SORCS1: variants seen among roughly 807,000 people sequenced by gnomAD.
SORCS1 encodes the protein VPS10 domain-containing receptor SorCS1.
Under a neutral mutation model 146.1 loss-of-function variants are expected in SORCS1, and 60 were observed. The ratio of observed to expected loss-of-function variants is 0.41; its 90% CI spans 0.33 to 0.51. SORCS1 has a LOEUF of 0.51. Ranked by LOEUF, SORCS1 falls within the 20% of genes least tolerant of loss-of-function variation. The pLI is 0.21. For synonymous variants in SORCS1, 637 were observed against 584.0 expected, an observed-to-expected ratio of 1.09 and a Z score of -1.31; for missense variants, 1,352 against 1,487.6, an observed-to-expected ratio of 0.91 and a Z score of 1.50.
rs534461964 is a variant in SORCS1, at chr10:107,077,027, C to T, written c.558+86942G>A. On this transcript the variant is annotated intron_variant, in intron 1 of 25. Coordinates refer to ENST00000263054, the MANE Select transcript of SORCS1 (RefSeq NM_052918.5). The stretch of plus-strand genomic sequence containing the variant: ...GCAGCTTGATTATTTGCATGTGTTA[C>T]TTCTAATGACTCTACCTCGGAGGGA... Among the ~76,000 whole-genome samples, 19 of 152,296 alleles carry T rather than the reference C, an allele frequency of 1.2e-4. 1 individual carries two copies. In the South Asian group the frequency reaches 3.9e-3, roughly 32 times the overall value.
intron 2 of SORCS1, among the ~76,000 whole-genome samples, chr10:106,877,959 A>G (rs2137669889): frequency 6.6e-6 from 1 of 152,284 alleles, no homozygotes; most frequent in East Asian, 1.9e-4. Flanking sequence ...GTCTGACTCC[A>G]AAGTCCTTAG....
intron 1 of SORCS1, among the ~76,000 whole-genome samples, chr10:106,956,790 C>T (rs918875671): frequency 1.3e-5 from 2 of 152,248 alleles, no homozygotes; most frequent in African/African-American, 4.8e-5. Context: ...CCCCAGCTTT[C>T]TCCCTGTCAC....
Position 106,849,414 on chromosome 10 carries a change from T to C in SORCS1, c.627-19741A>G, listed in dbSNP as rs1241101926. On this transcript the variant is annotated intron_variant, in intron 2 of 25. Transcript: ENST00000263054. ...GCTTCTGCATTCTTCAGGTAGTTCT[T>C]GAGCCTTGGTTTTCAGCTCCATCAG... 1.0e-4 allele frequency among the ~76,000 whole-genome samples: 15 copies of C among 147,614 alleles called. 1 individual carries two copies. Among genetic ancestry groups the C allele is most frequent in the South Asian group, 2.3e-4 (1 of 4,434 alleles).
intron 1 of SORCS1, among the ~76,000 whole-genome samples, chr10:107,159,861 T>C (rs1364917364): frequency 6.6e-6 from 1 of 151,916 alleles, no homozygotes; most frequent in East Asian, 1.9e-4. Context: ...AAAAACTGTA[T>C]CAAAATGTAT....
intron 2 of SORCS1, among the ~76,000 whole-genome samples, chr10:106,896,586 C>A (rs1589655908): frequency 6.6e-6 from 1 of 151,602 alleles, no homozygotes. Flanking sequence ...ATATATGTAA[C>A]ACTAGTGAAT....
chr10:107,010,707 C>T (rs970227681), intron 1 of SORCS1, among the ~76,000 whole-genome samples: 2 of 152,168 alleles, frequency 1.3e-5, no homozygotes. Flanking sequence ...TTTTGAGAGG[C>T]CTCAGATCTC....
intron 1 of SORCS1, among the ~76,000 whole-genome samples, chr10:107,085,571 T>C (rs550761932): frequency 1.3e-5 from 2 of 152,168 alleles, no homozygotes; most frequent in Admixed American, 6.5e-5. Flanking sequence ...ATAAGGGAGA[T>C]AGATGTCACT....
intron 18 of SORCS1, among the ~76,000 whole-genome samples, chr10:106,644,859 G>A (rs184634948): frequency 6.6e-6 from 1 of 152,180 alleles, no homozygotes; most frequent in East Asian, 1.9e-4. Flanking sequence ...TGTAGTTTAT[G>A]TATTCTACTA....
intron 2 of SORCS1, among the ~76,000 whole-genome samples, chr10:106,945,281 C>A (rs1454475045): frequency 6.6e-6 from 1 of 151,908 alleles, no homozygotes; most frequent in Admixed American, 6.6e-5. Context: ...TCTGGTCATG[C>A]TGAAAGAATA....
At chr10:106,834,080 A>G (rs1031049197) in intron 2 of SORCS1, among the ~76,000 whole-genome samples, 3 of 152,170 alleles carry the variant, frequency 2.0e-5, no homozygotes, top group African/African-American at 7.2e-5. Context: ...GGCATGAGCC[A>G]CCACGCCCGG....
At chr10:106,891,066 C>G (rs1437676822) in intron 2 of SORCS1, among the ~76,000 whole-genome samples, 1 of 152,124 alleles carries the variant, frequency 6.6e-6, no homozygotes, top group East Asian at 1.9e-4. Flanking sequence ...GAATTTATCC[C>G]CTACTTGAGT....
intron 1 of SORCS1, among the ~76,000 whole-genome samples, chr10:107,132,060 G>T (rs1292366131): frequency 6.6e-6 from 1 of 152,144 alleles, no homozygotes; most frequent in African/African-American, 2.4e-5. Flanking sequence ...ACTCAACTAA[G>T]TAAGAACTTA....
chr10:106,636,976 A>G (rs1049608111), intron 18 of SORCS1, among the ~76,000 whole-genome samples: 3 of 152,226 alleles, frequency 2.0e-5, no homozygotes, highest in Non-Finnish European at 4.4e-5. Flanking sequence ...AACCCTTTAG[A>G]GGAATGCCAA....
intron 6 of SORCS1, among the ~76,000 whole-genome samples, chr10:106,719,777 G>C (rs550160955): frequency 3.3e-5 from 5 of 152,232 alleles, no homozygotes; most frequent in African/African-American, 1.2e-4. Context: ...AAACATAAGA[G>C]ATGCTCAACA....
chr10:106,830,756 C>A (rs1174592639), intron 2 of SORCS1, among the ~76,000 whole-genome samples: 1 of 151,860 alleles, frequency 6.6e-6, no homozygotes, highest in African/African-American at 2.4e-5. Flanking sequence ...ATTAGCCTGG[C>A]CTGATGGCAC....
At chr10:107,013,300 T>C (rs1054197567) in intron 1 of SORCS1, among the ~76,000 whole-genome samples, 20 of 152,064 alleles carry the variant, frequency 1.3e-4, no homozygotes, top group Non-Finnish European at 2.2e-4. Flanking sequence ...CAGGTTTCAC[T>C]GAAATTCAGC....
chr10:107,058,047 T>A (rs1008641692), intron 1 of SORCS1, among the ~76,000 whole-genome samples: 1 of 152,118 alleles, frequency 6.6e-6, no homozygotes, highest in Non-Finnish European at 1.5e-5. Flanking sequence ...AAATTTTTTT[T>A]TTATTTTTTA....
intron 2 of SORCS1, among the ~76,000 whole-genome samples, chr10:106,861,785 A>T (rs1377093526): frequency 6.6e-6 from 1 of 152,088 alleles, no homozygotes; most frequent in Non-Finnish European, 1.5e-5. Context: ...GCTACTCGGG[A>T]GGCTGAGGCA....
chr10:106,814,630 C>T (rs937858424), intron 3 of SORCS1, among the ~76,000 whole-genome samples: 2 of 152,214 alleles, frequency 1.3e-5, no homozygotes, highest in South Asian at 4.1e-4. Flanking sequence ...ACAAGGTGGT[C>T]TTGGCCGGGC....
Sources: gnomAD v4.1 joint callset for allele counts (sites outside exome capture counted in the v4.1 genomes callset) on GRCh38, gnomAD v4.1.1 for gene constraint, MANE v1.5 for transcripts, NCBI Gene and HGNC (gene_info 2026-07-23, HGNC 2026-07-21) for gene names.